The following CAPRIN2 variants were observed in gnomAD, a reference collection of about 807,000 sequenced individuals.
CAPRIN2 encodes the protein caprin-2.
A neutral mutation model predicts 130.4 loss-of-function variants in CAPRIN2; 66 were observed. That is an observed-to-expected ratio of 0.51 (90% CI 0.42 to 0.62). The LOEUF (loss-of-function observed/expected upper bound fraction) is 0.62. Ranked by LOEUF, CAPRIN2 falls within the 20% of genes least tolerant of loss-of-function variation. CAPRIN2 has a pLI of 0.00. For missense variants in CAPRIN2, 1,185 were observed against 1,246.6 expected, an observed-to-expected ratio of 0.95 and a Z score of 0.74; for synonymous variants, 471 against 444.1, an observed-to-expected ratio of 1.06 and a Z score of -0.76.
At chr12:30,733,020 AT>A (rs1280791062) in intron 5 of CAPRIN2, among the ~76,000 whole-genome samples, 5 of 151,590 alleles carry the variant, frequency 3.3e-5, no homozygotes, top group East Asian at 1.9e-4. Flanking sequence ...AGATATTTGG[AT>A]TTTTTTTTAA....
chr12:30,734,245 A>G (rs955238711), intron 4 of CAPRIN2, among the ~76,000 whole-genome samples: 1 of 152,184 alleles, frequency 6.6e-6, no homozygotes, highest in African/African-American at 2.4e-5. Context: ...TAAGAGTTCT[A>G]TTAGGCTTCT....
intron 3 of CAPRIN2, among the ~76,000 whole-genome samples, chr12:30,735,851 T>C (rs994465891): frequency 6.6e-6 from 1 of 152,106 alleles, no homozygotes; most frequent in Non-Finnish European, 1.5e-5. Context: ...AGCTTAAGTT[T>C]TCCCTCAGGC....
At chr12:30,753,737 T>A in exon 1 of CAPRIN2, 1 of 1,612,172 alleles carries the variant, frequency 6.2e-7, no homozygotes, top group Non-Finnish European at 8.5e-7. Context: ...CGAAACCCAA[T>A]GATGCTTGAG....
intron 11 of CAPRIN2, among the ~76,000 whole-genome samples, chr12:30,721,353 A>G (rs549956640): frequency 7.1e-4 from 98 of 138,482 alleles, no homozygotes; most frequent in African/African-American, 2.4e-3. Flanking sequence ...CAGAGATCAT[A>G]GTATAACTGT....
intron 8 of CAPRIN2, among the ~76,000 whole-genome samples, 174 bp from the exon 10 acceptor site, chr12:30,726,262 T>A (rs2060893377): frequency 6.6e-6 from 1 of 152,322 alleles, no homozygotes; most frequent in East Asian, 1.9e-4. Context: ...TAAACAGATT[T>A]TTCCCCTTCA....
intron 14 of CAPRIN2, among the ~76,000 whole-genome samples, chr12:30,714,501 T>C (rs1217960954): frequency 1.3e-5 from 2 of 152,172 alleles, no homozygotes; most frequent in East Asian, 1.9e-4. Flanking sequence ...GTATTTTTGT[T>C]AATAATAAGT....
At chr12:30,747,811 G>A (rs1384345167) in intron 2 of CAPRIN2, among the ~76,000 whole-genome samples, 1 of 152,146 alleles carries the variant, frequency 6.6e-6, no homozygotes, top group Non-Finnish European at 1.5e-5. Context: ...ATGTCATTAA[G>A]AACATTTGTG....
chr12:30,745,718 A>G (rs954804797), intron 2 of CAPRIN2, among the ~76,000 whole-genome samples: 1 of 151,988 alleles, frequency 6.6e-6, no homozygotes, highest in Admixed American at 6.5e-5. Context: ...AACCAAAAAC[A>G]AAAAAGCAGA....
In CAPRIN2 at chr12:30,740,161, T is replaced by C. The variant is rs568929193; in HGVS notation, c.570+859A>G. 6.6e-5 allele frequency among the ~76,000 whole-genome samples: 10 copies of C among 152,260 alleles called. No individual in the cohort carries two copies. In the South Asian group the frequency reaches 2.1e-3, roughly 32 times the overall value. On this transcript the variant is annotated intron_variant, in intron 3 of 16. Coordinates refer to ENST00000298892, the Ensembl canonical transcript of CAPRIN2. ...GCTCACACCTGTAATCCCAGCATTT[T>C]GGGAGGCCAAGGCAGGAAGATCCCT...
intron 16 of CAPRIN2, among the ~76,000 whole-genome samples, chr12:30,711,179 G>T (rs140817074): frequency 6.6e-6 from 1 of 151,972 alleles, no homozygotes; most frequent in African/African-American, 2.4e-5. Context: ...CTCAAGTCAC[G>T]GTGTCTTAAT....
intron 14 of CAPRIN2, among the ~76,000 whole-genome samples, chr12:30,714,097 T>C (rs747254257): frequency 6.6e-6 from 1 of 152,242 alleles, no homozygotes; most frequent in Middle Eastern, 3.2e-3. Flanking sequence ...TTTATAAATT[T>C]ACTACTGCTA....
chr12:30,728,501 G>A, intron 8 of CAPRIN2, 147 bp downstream of exon 9: 1 of 646,128 alleles, frequency 1.5e-6, no homozygotes, highest in Non-Finnish European at 2.6e-6. Flanking sequence ...GTTACAGTGA[G>A]CAGAGATAGT....
chr12:30,752,360 A>G (rs1194101202), intron 1 of CAPRIN2, among the ~76,000 whole-genome samples: 1 of 152,194 alleles, frequency 6.6e-6, no homozygotes, highest in Admixed American at 6.5e-5. Context: ...GGTAAGCTAG[A>G]GAGCATAAGC....
At chr12:30,713,754 C>T (rs769558460) in intron 15 of CAPRIN2, 31 bp downstream of exon 17, 2 of 1,242,490 alleles carry the variant, frequency 1.6e-6, no homozygotes, top group South Asian at 2.5e-5. Flanking sequence ...AACTGTACCA[C>T]TATTCAACTA....
chr12:30,712,733 C>CTTTTTTTTTTTTTTTTTTTTTTTTTTTT (rs754373140), intron 15 of CAPRIN2, among the ~76,000 whole-genome samples: 2 of 107,292 alleles, frequency 1.9e-5, no homozygotes, highest in Non-Finnish European at 1.8e-5. Flanking sequence ...GTTTTCCACT[C>CTTTTTTTTTTTTTTTTTTTTTTTTTTTT]TTTTTTTTTT....
intron 10 of CAPRIN2, 112 bp from the exon 12 acceptor site, chr12:30,723,426 C>T: frequency 1.4e-6 from 1 of 703,080 alleles, no homozygotes; most frequent in Non-Finnish European, 2.5e-6. Flanking sequence ...GCTGGAAGGA[C>T]TACGTCTCAA....
intron 12 of CAPRIN2, among the ~76,000 whole-genome samples, chr12:30,718,139 G>A (rs556617235): frequency 2.1e-4 from 32 of 152,306 alleles, no homozygotes; most frequent in African/African-American, 7.0e-4. Context: ...TAACAGACTT[G>A]AAAAGGTACT....
At chr12:30,742,657 C>CA (rs1247007683) in intron 2 of CAPRIN2, among the ~76,000 whole-genome samples, 2 of 139,992 alleles carry the variant, frequency 1.4e-5, no homozygotes, top group Non-Finnish European at 1.6e-5. Flanking sequence ...CTATAAGGTA[C>CA]AAAAAAAACA....
chr12:30,719,696 C>T (rs555243348), intron 12 of CAPRIN2: 2 of 152,450 alleles, frequency 1.3e-5, no homozygotes, highest in African/African-American at 4.8e-5. Context: ...TTTAAGTAAT[C>T]CTTACCTAAG....
Sources: allele counts gnomAD v4.1 joint callset (sites outside exome capture counted in the v4.1 genomes callset), GRCh38; gene constraint gnomAD v4.1.1; transcripts MANE v1.5; gene names NCBI Gene and HGNC (gene_info 2026-07-23, HGNC 2026-07-21).